The following PCDHGA8 variants were observed in gnomAD, a reference collection of about 807,000 sequenced individuals.
PCDHGA8 encodes protocadherin gamma subfamily A, 8.
PCDHGA8 carries 45 observed loss-of-function variants against 59.2 expected under a neutral mutation model. The ratio of observed to expected loss-of-function variants is 0.76; its 90% CI spans 0.60 to 0.98. The LOEUF (loss-of-function observed/expected upper bound fraction) is 0.98, where lower values mean the gene tolerates loss of function less well. Ranked by LOEUF, PCDHGA8 falls within the 50% of genes least tolerant of loss-of-function variation. The probability of loss-of-function intolerance (pLI) is 0.00; values close to 1 mark genes in which losing one functional copy is unlikely to be tolerated. For synonymous variants in PCDHGA8, 531 were observed against 519.0 expected, an observed-to-expected ratio of 1.02 and a Z score of -0.32; for missense variants, 1,257 against 1,196.2, an observed-to-expected ratio of 1.05 and a Z score of -0.75.
In PCDHGA8 at chr5:141,477,176, G is replaced by C. The variant is rs766547728; in HGVS notation, c.2425-17631G>C. On this transcript the variant is annotated intron_variant, in intron 1 of 3. Coordinates refer to ENST00000398604, the MANE Select transcript of PCDHGA8 (RefSeq NM_032088.2). This position sits in a 1 kb window ranked among gnomAD's most constrained non-coding sequence, Gnocchi z 4.9. ...GAATGACAACGCCCCGGAGATCACAGTCACCTCCGTGTACAGCCCAGTACC... is the reference window on the plus strand; with the variant it reads ...GAATGACAACGCCCCGGAGATCACACTCACCTCCGTGTACAGCCCAGTACC... The C allele has an allele frequency of 1.2e-6, 2 of 1,614,206 alleles. No individual in the cohort carries two copies. The highest frequency in any genetic ancestry group is 3.3e-5 in the Admixed American group (2 of 60,024).
intron 1 of PCDHGA8, chr5:141,404,104 T>C (rs2094485215): frequency 1.2e-6 from 2 of 1,613,640 alleles, no homozygotes; most frequent in East Asian, 2.2e-5. Flanking sequence ...AAGTTGTCTG[T>C]TCTATCCAGG....
intron 1 of PCDHGA8, chr5:141,409,290 G>T: frequency 6.2e-7 from 1 of 1,613,974 alleles, no homozygotes; most frequent in Non-Finnish European, 8.5e-7. Flanking sequence ...TCACCTCCAG[G>T]AATGGTTGTT....
At chr5:141,483,084 CA>C (rs898059463) in intron 1 of PCDHGA8, among the ~76,000 whole-genome samples, 4 of 150,440 alleles carry the variant, frequency 2.7e-5, no homozygotes, top group Middle Eastern at 3.4e-3. Flanking sequence ...GACTCCATCT[CA>C]AAAAAAAAGT....
Position 141,487,831 on chromosome 5 carries a change from A to G in PCDHGA8, c.2425-6976A>G, listed in dbSNP as rs1001896359. ...TTAGCATTGGGGGCGGGTCATGCCTATATCTGAGTAAGAAATGAAAGTAAT... is the reference window on the plus strand; with the variant it reads ...TTAGCATTGGGGGCGGGTCATGCCTGTATCTGAGTAAGAAATGAAAGTAAT... On this transcript the variant is annotated intron_variant, in intron 1 of 3. Transcript: ENST00000398604. This position sits in a 1 kb window ranked among gnomAD's most constrained non-coding sequence, Gnocchi z 5.0. The G allele has an allele frequency of 1.1e-5, 13 of 1,144,204 alleles. No homozygotes were observed. Among genetic ancestry groups the G allele is most frequent in the Non-Finnish European group, 1.6e-5 (13 of 818,302 alleles). 70.9% of individuals were successfully genotyped at this position (1,144,204 alleles called of 1,614,324 possible). A position where few individuals can be genotyped will look rare whatever the true frequency, so the allele number is the denominator to read the frequency against.
At chr5:141,403,789 C>G (rs1230029917) in intron 1 of PCDHGA8, 1 of 1,613,864 alleles carries the variant, frequency 6.2e-7, no homozygotes. Context: ...AAGTGGCATA[C>G]AAATTCTGGA....
Position 141,476,129 on chromosome 5 carries a change from G to T in PCDHGA8, c.2425-18678G>T, listed in dbSNP as rs2099385585. 6.2e-7 allele frequency: 1 copy of T among 1,606,848 alleles called. No homozygotes were observed. The highest frequency in any genetic ancestry group is 1.3e-5 in the African/African-American group (1 of 75,000). On this transcript the variant is annotated intron_variant, in intron 1 of 3. Transcript: ENST00000398604. The surrounding 1 kb of genome is among the most constrained non-coding windows in gnomAD (Gnocchi z 7.6). ...GCTTTTGAGTGAGATGGTCCCAGAG[G>T]CCTGGAGGAGCGGACTGGTAAGCAC...
At chr5:141,422,886 G>A in intron 1 of PCDHGA8, 1 of 1,614,260 alleles carries the variant, frequency 6.2e-7, no homozygotes, top group Non-Finnish European at 8.5e-7. Flanking sequence ...GCCTGTTCGT[G>A]CTGGACCAGA....
rs2099606506 is a variant in PCDHGA8 at position 141,485,072 on chromosome 5, G to A, written c.2425-9735G>A. ...CCGGCCGAACCGCGCCAGAGCTGGC[G>A]CGGGGAAAGGGAGATAGGTGTCTCC... On this transcript the variant is annotated intron_variant, in intron 1 of 3. Transcript: ENST00000398604. This position sits in a 1 kb window ranked among gnomAD's most constrained non-coding sequence, Gnocchi z 5.7. 2 of 916,892 alleles carry A rather than the reference G, an allele frequency of 2.2e-6. No homozygotes were observed. The highest frequency in any genetic ancestry group is 3.4e-6 in the Non-Finnish European group (2 of 587,886). The allele number at this position is 916,892 out of a possible 1,614,324, so 56.8% of individuals were successfully genotyped here.
chr5:141,470,323 A>C (rs1029928511), intron 1 of PCDHGA8, among the ~76,000 whole-genome samples: 1 of 152,188 alleles, frequency 6.6e-6, no homozygotes, highest in African/African-American at 2.4e-5. Flanking sequence ...AAATGATCCC[A>C]TAATTTGACC....
chr5:141,423,569 TC>T (rs2096755253), intron 1 of PCDHGA8: 1 of 1,613,362 alleles, frequency 6.2e-7, no homozygotes, highest in Non-Finnish European at 8.5e-7. Context: ...GACACGCTCA[TC>T]AGCCAGGAGA....
chr5:141,426,275 G>A (rs531044481), intron 1 of PCDHGA8: 2 of 164,168 alleles, frequency 1.2e-5, no homozygotes, highest in East Asian at 1.6e-4. Context: ...CTGCAGCAAC[G>A]CATGGGAAGG....
At chr5:141,399,644 A>G (rs2093855347) in intron 1 of PCDHGA8, 2 of 1,613,810 alleles carry the variant, frequency 1.2e-6, no homozygotes, top group Non-Finnish European at 8.5e-7. Context: ...ATGAGCGCGC[A>G]AAGTGGGGTG....
chr5:141,478,920 C>T lies in PCDHGA8; in HGVS notation c.2425-15887C>T, dbSNP rs559060283. On this transcript the variant is annotated intron_variant, in intron 1 of 3. Transcript: ENST00000398604. Reference sequence around the variant, plus strand: ...GGAATAAGCTGCTGGATACCTCTAACCAGTGGCAGCTTCTAGGAATACAAA... The same window carrying T: ...GGAATAAGCTGCTGGATACCTCTAATCAGTGGCAGCTTCTAGGAATACAAA... 608 of 728,392 alleles carry T rather than the reference C, an allele frequency of 8.3e-4. 2 individuals are homozygous for T. The highest frequency in any genetic ancestry group is 1.2e-3 in the South Asian group (55 of 44,196). 45.1% of individuals were successfully genotyped at this position (728,392 alleles called of 1,614,324 possible).
At chr5:141,454,953 G>A (rs1304192945) in intron 1 of PCDHGA8, among the ~76,000 whole-genome samples, 4 of 150,686 alleles carry the variant, frequency 2.7e-5, no homozygotes, top group Admixed American at 6.6e-5. Context: ...GACTACAGGC[G>A]CCGGCCACCA....
At position 141,414,317 on chromosome 5, in the gene PCDHGA8, AG is replaced by A. The variant is rs757847465; in HGVS notation, c.2424+19081del. On this transcript the variant is annotated intron_variant, in intron 1 of 3. Transcript: ENST00000398604. The stretch of plus-strand genomic sequence containing the variant: ...TTAAATGTGCATGATTTAGACTCTG[AG>A]CAGAATGGACAGGTAACCTGTTCCA... The A allele has an allele frequency of 1.9e-6, 3 of 1,613,828 alleles. No individual in the cohort carries two copies. In the South Asian group the frequency reaches 3.3e-5, roughly 18 times the overall value.
chr5:141,419,304 G>T, intron 1 of PCDHGA8: 1 of 1,613,994 alleles, frequency 6.2e-7, no homozygotes, highest in Non-Finnish European at 8.5e-7. Context: ...CCAGACTTCG[G>T]GCTCAACGGC....
chr5:141,498,078 G>A (rs1165770641), intron 2 of PCDHGA8, among the ~76,000 whole-genome samples: 6 of 152,194 alleles, frequency 3.9e-5, no homozygotes, highest in African/African-American at 1.4e-4. Flanking sequence ...ATAAGTGCTA[G>A]GTAGAATTGT....
chr5:141,464,640 C>T (rs1482089475), intron 1 of PCDHGA8, among the ~76,000 whole-genome samples: 2 of 151,952 alleles, frequency 1.3e-5, no homozygotes, highest in Admixed American at 6.6e-5. Context: ...TTGTTGCCAA[C>T]CTGATGGGTA....
chr5:141,403,571 G>T (rs778030830), intron 1 of PCDHGA8: 2 of 1,613,904 alleles, frequency 1.2e-6, no homozygotes, highest in South Asian at 1.1e-5. Flanking sequence ...GGAGGCAACT[G>T]CCCACCACCT....
Sources: gnomAD v4.1 joint callset for allele counts (sites outside exome capture counted in the v4.1 genomes callset) on GRCh38, gnomAD v4.1.1 for gene constraint, Gnocchi (gnomAD v3.1) non-coding constraint, MANE v1.5 for transcripts, NCBI Gene and HGNC (gene_info 2026-07-23, HGNC 2026-07-21) for gene names.